RPS6KC1: variants seen among roughly 807,000 people sequenced by gnomAD.
RPS6KC1 encodes the protein inactive ribosomal protein S6 kinase delta-1.
A neutral mutation model predicts 103.8 loss-of-function variants in RPS6KC1; 54 were observed. That is an observed-to-expected ratio of 0.52 (90% CI 0.42 to 0.65). The LOEUF is 0.65. Among genes scored for constraint, RPS6KC1 ranks in the 30% least tolerant of loss-of-function variants. RPS6KC1 has a pLI of 0.00. For missense variants in RPS6KC1, 1,151 were observed against 1,253.8 expected (o/e 0.92, Z 1.24); for synonymous variants, 439 against 438.7 (o/e 1.00, Z -0.01).
intron 8 of RPS6KC1, among the ~76,000 whole-genome samples, chr1:213,207,015 G>T (rs2093369326): frequency 6.6e-6 from 1 of 152,192 alleles, no homozygotes; most frequent in African/African-American, 2.4e-5. Flanking sequence ...GCAGGCTGAG[G>T]TAGGAGAATC....
the RPS6KC1 span, among the ~76,000 whole-genome samples, chr1:213,620,125 C>T: frequency 6.6e-6 from 1 of 152,202 alleles, no homozygotes. Flanking sequence ...TAGTGCTGTA[C>T]AGGTTGTTCC....
chr1:213,576,387 T>TTA, the RPS6KC1 span, among the ~76,000 whole-genome samples: 1 of 150,572 alleles, frequency 6.6e-6, no homozygotes, highest in Non-Finnish European at 1.5e-5. Flanking sequence ...TTTTTTTTTT[T>TTA]AACAAATTGA....
rs1237619777 is a variant in RPS6KC1 at position 213,241,463 on chromosome 1, G to C, written c.1987G>C (p.Gly663Arg). 6.2e-6 allele frequency: 10 copies of C among 1,613,916 alleles called. No homozygotes were observed. The highest frequency in any genetic ancestry group is 8.5e-6 in the Non-Finnish European group (10 of 1,179,934). The part of the protein sequence containing the change: ...EFKAQDTISR[G>R]SDDSVPVISF... ...TAAAGCTCAGGACACCATTAGCAGG[G>C]GCTCAGATGACTCAGTGCCAGTTAT... The change falls in exon 11 of 15, where the codon GGC (glycine) becomes CGC (arginine). Residue 663 changes from glycine to arginine, a missense_variant. Physicochemically the swap from Gly to Arg is moderately radical, Grantham distance 125 (BLOSUM62 -2). Coordinates refer to ENST00000366960, the MANE Select transcript of RPS6KC1 (RefSeq NM_012424.6).
chr1:213,397,806 G>A, the RPS6KC1 span, among the ~76,000 whole-genome samples: 1 of 152,188 alleles, frequency 6.6e-6, no homozygotes, highest in African/African-American at 2.4e-5. Flanking sequence ...ATGGGGTCAG[G>A]TTAGGGGCAG....
At chr1:213,225,975 G>A (rs2093950935) in intron 8 of RPS6KC1, among the ~76,000 whole-genome samples, 1 of 151,614 alleles carries the variant, frequency 6.6e-6, no homozygotes, top group Non-Finnish European at 1.5e-5. Flanking sequence ...TGTAATCCCA[G>A]CACTTTGGGA....
the RPS6KC1 span, among the ~76,000 whole-genome samples, chr1:213,854,561 T>TTTCTTTC: frequency 4.2e-5 from 4 of 94,994 alleles, no homozygotes; most frequent in South Asian, 2.9e-4. Context: ...TCTTTCTTTC[T>TTTCTTTC]TTCTCTCTCT....
the RPS6KC1 span, among the ~76,000 whole-genome samples, chr1:213,497,379 A>AG: frequency 1.3e-5 from 2 of 151,978 alleles, no homozygotes; most frequent in Non-Finnish European, 2.9e-5. Flanking sequence ...ACTTAAGGAA[A>AG]AAAAAAAACA....
At chr1:213,475,522 CAT>C in the RPS6KC1 span, among the ~76,000 whole-genome samples, 1 of 152,178 alleles carries the variant, frequency 6.6e-6, no homozygotes, top group Non-Finnish European at 1.5e-5. Flanking sequence ...TCAGAAGTCT[CAT>C]GTGAAATTTC....
chr1:213,835,438 C>T, the RPS6KC1 span, among the ~76,000 whole-genome samples: 16,850 of 152,132 alleles, frequency 0.11, 1,939 homozygotes, highest in African/African-American at 0.29. Flanking sequence ...CTAATGGCTA[C>T]GCTGGGGATG....
the RPS6KC1 span, among the ~76,000 whole-genome samples, chr1:213,623,042 G>C: frequency 6.6e-6 from 1 of 152,136 alleles, no homozygotes; most frequent in Non-Finnish European, 1.5e-5. Flanking sequence ...TCTATCTTCA[G>C]ATATGCCTCG....
chr1:213,764,561 C>T, the RPS6KC1 span, among the ~76,000 whole-genome samples: 3 of 152,308 alleles, frequency 2.0e-5, no homozygotes, highest in African/African-American at 2.4e-5. Flanking sequence ...ATCCTACAAC[C>T]TCAGAAGCTC....
At chr1:213,843,905 C>T in the RPS6KC1 span, among the ~76,000 whole-genome samples, 1 of 151,502 alleles carries the variant, frequency 6.6e-6, no homozygotes, top group African/African-American at 2.4e-5. Flanking sequence ...GAAAAAGACT[C>T]TTTAAAACTA....
chr1:213,346,036 C>A, the RPS6KC1 span, among the ~76,000 whole-genome samples: 1 of 152,094 alleles, frequency 6.6e-6, no homozygotes, highest in Non-Finnish European at 1.5e-5. Context: ...TACATCCCAC[C>A]CTAATGGTAA....
the RPS6KC1 span, among the ~76,000 whole-genome samples, chr1:213,298,017 G>A: frequency 1.3e-5 from 2 of 152,176 alleles, no homozygotes; most frequent in Admixed American, 1.3e-4. Context: ...TCTCCATTGA[G>A]CACTGCAGTC....
intron 12 of RPS6KC1, among the ~76,000 whole-genome samples, chr1:213,258,138 C>T (rs1296621320): frequency 3.9e-5 from 6 of 152,040 alleles, no homozygotes; most frequent in Admixed American, 2.6e-4. Flanking sequence ...CGCGCCACTA[C>T]GCTTGGCTAA....
At chr1:213,139,883 G>A (rs2149078885) in intron 6 of RPS6KC1, among the ~76,000 whole-genome samples, 1 of 152,078 alleles carries the variant, frequency 6.6e-6, no homozygotes, top group South Asian at 2.1e-4. Context: ...GTGAAAAAAT[G>A]TCATTAATAG....
the RPS6KC1 span, among the ~76,000 whole-genome samples, chr1:213,513,368 T>A: frequency 6.6e-6 from 1 of 152,242 alleles, no homozygotes; most frequent in Non-Finnish European, 1.5e-5. Context: ...TTGTTTTAAG[T>A]ACCACATTTG....
the RPS6KC1 span, among the ~76,000 whole-genome samples, chr1:213,423,107 T>C: frequency 6.6e-6 from 1 of 152,340 alleles, no homozygotes; most frequent in South Asian, 2.1e-4. Context: ...CAGAACCAGC[T>C]ACAGGCACTG....
intron 12 of RPS6KC1, among the ~76,000 whole-genome samples, chr1:213,256,533 T>TAA (rs577199719): frequency 6.6e-5 from 9 of 135,620 alleles, no homozygotes; most frequent in Admixed American, 2.2e-4. Context: ...GCTGATGAGC[T>TAA]AAAAAAAAAA....
Sources: allele counts gnomAD v4.1 joint callset (sites outside exome capture counted in the v4.1 genomes callset), GRCh38; gene constraint gnomAD v4.1.1; transcripts MANE v1.5; gene names NCBI Gene and HGNC (gene_info 2026-07-23, HGNC 2026-07-21).